Variants in TMEM131 observed in about 807,000 individuals in gnomAD.
TMEM131 encodes the protein 2610524E03Rik.
TMEM131 carries 66 observed loss-of-function variants against 211.6 expected under a neutral mutation model. The ratio of observed to expected loss-of-function variants is 0.31; its 90% confidence interval spans 0.26 to 0.38. TMEM131 has a LOEUF of 0.38. Among genes scored for constraint, TMEM131 ranks in the 10% least tolerant of loss-of-function variants. TMEM131 has a pLI of 1.00. For missense variants in TMEM131, 2,036 were observed against 2,299.3 expected (o/e 0.89, Z 2.34); for synonymous variants, 844 against 841.3 (o/e 1.00, Z -0.06).
intron 1 of TMEM131, among the ~76,000 whole-genome samples, chr2:97,953,887 A>G (rs1224067884): frequency 2.6e-5 from 4 of 152,258 alleles, no homozygotes; most frequent in Admixed American, 6.5e-5. Flanking sequence ...TAACAGAAAC[A>G]TAACACAAAA....
At chr2:97,802,833 T>G in intron 22 of TMEM131, 43 bp from the exon 23 acceptor site, 1 of 1,482,302 alleles carries the variant, frequency 6.7e-7, no homozygotes, top group African/African-American at 1.4e-5. Flanking sequence ...AATGAAATAT[T>G]TGAGTCTTCT....
chr2:97,890,712 T>C (rs1317399840), intron 3 of TMEM131, among the ~76,000 whole-genome samples: 10 of 152,370 alleles, frequency 6.6e-5, no homozygotes, highest in South Asian at 2.1e-4. Context: ...TGCTGCTATA[T>C]GTGCTGCCAA....
At chr2:97,990,385 C>CT (rs35354955) in intron 1 of TMEM131, among the ~76,000 whole-genome samples, 1 of 151,330 alleles carries the variant, frequency 6.6e-6, no homozygotes, top group African/African-American at 2.4e-5. Context: ...CAAGTCTGTT[C>CT]TTTTTGCAGT....
At chr2:97,891,663 A>G (rs907896943) in intron 3 of TMEM131, among the ~76,000 whole-genome samples, 1 of 152,184 alleles carries the variant, frequency 6.6e-6, no homozygotes, top group African/African-American at 2.4e-5. Context: ...CAAATCAAAC[A>G]TATGGGCTTC....
At chr2:97,811,276 G>A in intron 17 of TMEM131, 44 bp from the exon 18 acceptor site, 1 of 1,464,104 alleles carries the variant, frequency 6.8e-7, no homozygotes, top group Non-Finnish European at 9.6e-7. Flanking sequence ...CTTGTTAGTT[G>A]AAGTTTCCTA....
rs181629538 is a variant in TMEM131 at position 97,766,489 on chromosome 2, T to C, written c.4562A>G (p.Gln1521Arg). ...CAAGATGACAATACCTTTTGTTTTC[T>C]GGGCATTTCGTGATTTGGATCCACT... The part of the protein sequence containing the change: ...MTSGSKSRNA[Q>R]KTKGTSKLVD... Residue 1521 changes from glutamine to arginine, a missense_variant, in exon 34 of 41, where the codon CAG becomes CGG. Gln to Arg is a conservative substitution (Grantham distance 43, BLOSUM62 1). Coordinates refer to ENST00000186436, the MANE Select transcript of TMEM131 (RefSeq NM_015348.2). 1.8e-5 allele frequency: 29 copies of C among 1,614,016 alleles called. No individual in the cohort carries two copies. In the East Asian group the frequency reaches 3.8e-4, roughly 21 times the overall value.
chr2:97,807,679 CTT>C (rs1306049899), intron 19 of TMEM131, among the ~76,000 whole-genome samples: 2 of 152,230 alleles, frequency 1.3e-5, no homozygotes, highest in African/African-American at 4.8e-5. Flanking sequence ...TATACACATG[CTT>C]TCTCATTTAT....
At chr2:97,767,131 G>C (rs1467555416) in intron 33 of TMEM131, among the ~76,000 whole-genome samples, 1 of 152,202 alleles carries the variant, frequency 6.6e-6, no homozygotes, top group Non-Finnish European at 1.5e-5. Context: ...GGTTACTACA[G>C]GGAGTGGGCT....
At chr2:97,797,050 A>G in intron 26 of TMEM131, 64 bp from the exon 27 acceptor site, 2 of 1,496,140 alleles carry the variant, frequency 1.3e-6, no homozygotes, top group Non-Finnish European at 9.1e-7. Flanking sequence ...TTGATTTGCA[A>G]TTTCTACTGT....
chr2:97,825,412 G>A (rs992648234), intron 11 of TMEM131, among the ~76,000 whole-genome samples: 1 of 152,182 alleles, frequency 6.6e-6, no homozygotes, highest in African/African-American at 2.4e-5. Flanking sequence ...AATGAATACA[G>A]CCTATACTGG....
chr2:97,944,504 G>A (rs986736734), intron 1 of TMEM131, among the ~76,000 whole-genome samples: 3 of 151,972 alleles, frequency 2.0e-5, no homozygotes, highest in Non-Finnish European at 4.4e-5. Context: ...TGCTTCAAAG[G>A]GCACTATCAA....
chr2:97,916,917 G>A, intron 2 of TMEM131, among the ~76,000 whole-genome samples: 1 of 152,210 alleles, frequency 6.6e-6, no homozygotes, highest in East Asian at 1.9e-4. Flanking sequence ...CAATAAATAT[G>A]ACTTATATTT....
rs1320631396 is a variant in TMEM131 at position 97,943,053 on chromosome 2, G to GA, written c.188-15567dup. On this transcript the variant is annotated intron_variant, in intron 1 of 40. Coordinates refer to ENST00000186436, the MANE Select transcript of TMEM131 (RefSeq NM_015348.2). The stretch of plus-strand genomic sequence containing the variant: ...AAAGAAAAGAAAAGAAAGAAAGAAA[G>GA]AAAGAAAGAAAGAAAGAAAGAAAGA... Among the ~76,000 whole-genome samples the GA allele has an allele frequency of 2.3e-3, 151 of 66,164 alleles. 4 individuals are homozygous for GA. The highest frequency in any genetic ancestry group is 6.8e-3 in the African/African-American group (102 of 15,068). 43.4% of individuals were successfully genotyped at this position (66,164 alleles called of 152,430 possible). A position where few individuals can be genotyped will look rare whatever the true frequency, so the allele number is the denominator to read the frequency against.
chr2:97,839,072 C>T (rs1375475776), intron 7 of TMEM131, among the ~76,000 whole-genome samples: 3 of 152,156 alleles, frequency 2.0e-5, no homozygotes, highest in Non-Finnish European at 4.4e-5. Flanking sequence ...GCCTGTAATC[C>T]CGGCACTTTG....
At chr2:97,895,677 T>C (rs1675579065) in intron 3 of TMEM131, among the ~76,000 whole-genome samples, 1 of 152,236 alleles carries the variant, frequency 6.6e-6, no homozygotes, top group Non-Finnish European at 1.5e-5. Flanking sequence ...TAGTATTCTC[T>C]GATGGTAGTT....
rs146556465 is a variant in TMEM131, at chr2:97,902,743, G to A, written c.290+5915C>T. 6.1e-4 allele frequency among the ~76,000 whole-genome samples: 93 copies of A among 152,258 alleles called. 3 individuals are homozygous for A. The highest frequency in any genetic ancestry group is 3.3e-3 in the East Asian group (17 of 5,186). Reference sequence around the variant, plus strand: ...AAAAGAGATTAACATCTGAGTCAGTGGGCTGGGGAAGGCAGATCCACCCTT... The same window carrying A: ...AAAAGAGATTAACATCTGAGTCAGTAGGCTGGGGAAGGCAGATCCACCCTT... On this transcript the variant is annotated intron_variant, in intron 3 of 40. Transcript: ENST00000186436.
At chr2:97,946,212 T>C (rs991289194) in intron 1 of TMEM131, among the ~76,000 whole-genome samples, 3 of 151,956 alleles carry the variant, frequency 2.0e-5, no homozygotes, top group Non-Finnish European at 2.9e-5. Flanking sequence ...TTCTAAATAT[T>C]AGATAAGTAA....
At chr2:97,991,751 T>C (rs1226490433) in intron 1 of TMEM131, among the ~76,000 whole-genome samples, 1 of 152,184 alleles carries the variant, frequency 6.6e-6, no homozygotes, top group African/African-American at 2.4e-5. Flanking sequence ...ATCAGAGCGC[T>C]TGAGTCACAT....
At chr2:97,947,552 T>C (rs1678101025) in intron 1 of TMEM131, among the ~76,000 whole-genome samples, 1 of 152,004 alleles carries the variant, frequency 6.6e-6, no homozygotes, top group Admixed American at 6.5e-5. Context: ...TGGAAGAAAT[T>C]AAAGAACACC....
Sources: allele counts gnomAD v4.1 joint callset (sites outside exome capture counted in the v4.1 genomes callset), GRCh38; gene constraint gnomAD v4.1.1; transcripts MANE v1.5; gene names NCBI Gene and HGNC (gene_info 2026-07-23, HGNC 2026-07-21).